Variants in C5orf34 observed in about 807,000 individuals in gnomAD.
The protein encoded by C5orf34 is uncharacterized protein C5orf34.
A neutral mutation model predicts 78.4 loss-of-function variants in C5orf34; 73 were observed. That is an observed-to-expected ratio of 0.93 (90% CI 0.77 to 1.13). The LOEUF (loss-of-function observed/expected upper bound fraction) is 1.13, where lower values mean the gene tolerates loss of function less well. Ranked by LOEUF, C5orf34 falls within the 50% of genes most tolerant of loss-of-function variation. The pLI, the probability that C5orf34 is intolerant of heterozygous loss-of-function variation, is 0.00. For missense variants in C5orf34, 730 were observed against 732.7 expected, an observed-to-expected ratio of 1.00 and a Z score of 0.04; for synonymous variants, 251 against 246.6, an observed-to-expected ratio of 1.02 and a Z score of -0.17.
At chr5:43,490,164 C>G (rs926473760) in intron 11 of C5orf34, among the ~76,000 whole-genome samples, 1 of 152,124 alleles carries the variant, frequency 6.6e-6, no homozygotes, top group Non-Finnish European at 1.5e-5. Context: ...CTGAAAAGCA[C>G]ACAGGAGGGA....
chr5:43,499,133 A>G (rs1745659132), intron 6 of C5orf34, among the ~76,000 whole-genome samples: 1 of 152,260 alleles, frequency 6.6e-6, no homozygotes, highest in Admixed American at 6.5e-5. Context: ...ATGTCATGAT[A>G]GGGAGTGTCT....
intron 4 of C5orf34, among the ~76,000 whole-genome samples, chr5:43,505,241 T>G (rs1311435474): frequency 6.6e-6 from 1 of 152,220 alleles, no homozygotes; most frequent in Non-Finnish European, 1.5e-5. Context: ...GTACCCCTTT[T>G]GAAAACAGAC....
intron 11 of C5orf34, among the ~76,000 whole-genome samples, chr5:43,490,150 C>A (rs77214698): frequency 6.6e-6 from 1 of 152,240 alleles, no homozygotes; most frequent in African/African-American, 2.4e-5. Context: ...TAGTACCCTG[C>A]ACACTGAAAA....
intron 11 of C5orf34, 75 bp downstream of exon 11, chr5:43,490,556 G>T: frequency 1.0e-6 from 1 of 960,360 alleles, no homozygotes; most frequent in Non-Finnish European, 1.6e-6. Context: ...AAAAGTCTCA[G>T]TTTACCATTT....
chr5:43,496,548 A>G, intron 6 of C5orf34: 1 of 969,488 alleles, frequency 1.0e-6, no homozygotes, highest in Non-Finnish European at 1.5e-6. Flanking sequence ...TTAAAAATAT[A>G]GAATTACTCC....
chr5:43,506,068 T>A lies in C5orf34; in HGVS notation c.612A>T (p.Lys204Asn), dbSNP rs748877329. Residue 204 changes from lysine (K) to asparagine (N), a missense_variant, in exon 4 of 13, where the codon AAA (lysine) becomes AAT (asparagine). Transcript: ENST00000306862. ...TCATCTTCTTTAAAGTTTCTTTGGA[T>A]TTCATGATCTGGCAATGAAACTCAT... ...KENEFHCQIM[K>N]SKETLKKMSC... is the part of the protein sequence containing the mutation. 2.5e-6 allele frequency: 4 copies of A among 1,614,196 alleles called. No homozygotes were observed. The East Asian group carries it at 8.9e-5, about 36-fold the overall frequency.
rs767832701 is a variant in C5orf34 at position 43,490,699 on chromosome 5, C to G, written c.1611G>C (p.Arg537Ser). Residue 537 changes from arginine (R) to serine (S), a missense_variant, in exon 11 of 13, where the codon AGG (arginine) becomes AGC (serine). Physicochemically the swap from Arg to Ser is moderately radical, Grantham distance 110. Coordinates refer to ENST00000306862, the MANE Select transcript of C5orf34 (RefSeq NM_198566.4). ...RYVTTVTSWC[R>S]RLTQTSPREM... ...CTCTGGGACTAGTCTGGGTCAGTCT[C>G]CTGCACCATGATGTTACTGTTGTCA... 1 of 1,607,506 alleles carries G rather than the reference C, an allele frequency of 6.2e-7. No individual in the cohort carries two copies. Among genetic ancestry groups the G allele is most frequent in the East Asian group, 2.2e-5 (1 of 44,716 alleles).
chr5:43,489,457 G>A (rs546009540), intron 11 of C5orf34, among the ~76,000 whole-genome samples: 1 of 152,028 alleles, frequency 6.6e-6, no homozygotes, highest in African/African-American at 2.4e-5. Context: ...ATCTCTACTT[G>A]CAGTTTTTAG....
At chr5:43,493,085 T>C (rs991121987) in intron 8 of C5orf34, among the ~76,000 whole-genome samples, 195 bp from the exon 9 acceptor site, 16 of 151,182 alleles carry the variant, frequency 1.1e-4, no homozygotes, top group Admixed American at 9.9e-4. Flanking sequence ...ATAATATATT[T>C]GTAAAGTCAC....
Position 43,487,948 on chromosome 5 carries a change from A to G in C5orf34, c.1681T>C (p.Ser561Pro). 6.2e-7 allele frequency: 1 copy of G among 1,603,902 alleles called. No homozygotes were observed. Among genetic ancestry groups the G allele is most frequent in the East Asian group, 2.2e-5 (1 of 44,682 alleles). Residue 561 changes from serine (S) to proline (P), a missense_variant and splice_region_variant, in exon 12 of 13, where the codon TCT becomes CCT. By Grantham distance (74) the Ser-to-Pro change is moderately conservative (BLOSUM62 -1). Coordinates refer to ENST00000306862, the MANE Select transcript of C5orf34 (RefSeq NM_198566.4). ...ATCTTTTCAAGTTCAGAAGCAACAG[A>G]CCTGTCCAAGGAAAAAGAAAAAATT... ...SSSSVLQENW[S>P]VASELEKIQK...
chr5:43,497,212 C>G (rs1323536292), intron 6 of C5orf34, among the ~76,000 whole-genome samples: 1 of 152,132 alleles, frequency 6.6e-6, no homozygotes, highest in Non-Finnish European at 1.5e-5. Context: ...CACTCTGTCT[C>G]CAGCCTTCTC....
chr5:43,503,898 G>A (rs1415112088), intron 4 of C5orf34, 138 bp from the exon 5 acceptor site: 5 of 580,220 alleles, frequency 8.6e-6, no homozygotes, highest in South Asian at 2.2e-5. Flanking sequence ...TTAATATGAA[G>A]GTATATTAAT....
chr5:43,509,149 T>C lies in C5orf34; in HGVS notation c.191A>G (p.Tyr64Cys). Residue 64 changes from tyrosine (Y) to cysteine (C), a missense_variant, in exon 2 of 13, where the codon TAC becomes TGC. By Grantham distance (194) the Tyr-to-Cys change is radical. Transcript: ENST00000306862. ...TTACGTGATATCTTTACTTACTCTG[T>C]AAGTGCTAATGACAAAATGTGTCCT... is the stretch of plus-strand genomic sequence containing the variant. Reference protein sequence around the residue: ...RQRTHFVISTYREQLQRALDF... With the variant: ...RQRTHFVISTCREQLQRALDF... 6.2e-7 allele frequency: 1 copy of C among 1,611,896 alleles called. No homozygotes were observed. The highest frequency in any genetic ancestry group is 8.5e-7 in the Non-Finnish European group (1 of 1,179,228).
chr5:43,497,448 C>T (rs778216632), intron 6 of C5orf34, among the ~76,000 whole-genome samples: 1 of 152,046 alleles, frequency 6.6e-6, no homozygotes, highest in East Asian at 1.9e-4. Context: ...GGCTAAGAAA[C>T]AGTAGAGATC....
chr5:43,496,894 T>C (rs1173130771), intron 6 of C5orf34, among the ~76,000 whole-genome samples: 1 of 152,190 alleles, frequency 6.6e-6, no homozygotes, highest in Non-Finnish European at 1.5e-5. Flanking sequence ...TAATAACTTA[T>C]TGTGCAATTT....
chr5:43,490,972 A>G (rs549347623), intron 10 of C5orf34, among the ~76,000 whole-genome samples: 1 of 152,312 alleles, frequency 6.6e-6, no homozygotes, highest in Non-Finnish European at 1.5e-5. Flanking sequence ...GTGACATTTA[A>G]GAATCAAAAT....
chr5:43,492,095 T>C, intron 10 of C5orf34, 120 bp downstream of exon 10: 5 of 636,950 alleles, frequency 7.8e-6, no homozygotes, highest in Non-Finnish European at 1.4e-5. Context: ...TGAAATGCCT[T>C]CATTATTATC....
rs779137868 is a variant in C5orf34 at position 43,505,951 on chromosome 5, A to C, written c.729T>G (p.Ser243=). 2 of 1,614,226 alleles carry C rather than the reference A, an allele frequency of 1.2e-6. No homozygotes were observed. Among genetic ancestry groups the C allele is most frequent in the South Asian group, 2.2e-5 (2 of 91,072 alleles). ...TCCATTCCTCTGGACAGGCAGCCACAGACCAGCACTGCTTGACCCATGTGT... is the reference window on the plus strand; with the variant it reads ...TCCATTCCTCTGGACAGGCAGCCACCGACCAGCACTGCTTGACCCATGTGT... ...CVYTWVKQCW[S]VAACPEEWKY... Residue 243 remains serine (S), a synonymous_variant, in exon 4 of 13, where the codon TCT becomes TCG. Transcript: ENST00000306862.
intron 1 of C5orf34, among the ~76,000 whole-genome samples, chr5:43,511,697 T>G (rs1037457681): frequency 6.6e-6 from 1 of 152,234 alleles, no homozygotes; most frequent in Non-Finnish European, 1.5e-5. Context: ...AAAATACTTC[T>G]GCCTTGGGAT....
Sources: allele counts gnomAD v4.1 joint callset (sites outside exome capture counted in the v4.1 genomes callset), GRCh38; gene constraint gnomAD v4.1.1; transcripts MANE v1.5; gene names NCBI Gene and HGNC (gene_info 2026-07-23, HGNC 2026-07-21).